Variants in SYNC observed in about 807,000 individuals in gnomAD.
SYNC encodes the protein syncoilin.
SYNC carries 38 observed loss-of-function variants against 49.5 expected under a neutral mutation model. The observed-to-expected ratio is 0.77, with a 90% CI of 0.59 to 1.01. The LOEUF (loss-of-function observed/expected upper bound fraction) is 1.01, where lower values mean the gene tolerates loss of function less well. Ranked by LOEUF, SYNC falls within the 50% of genes least tolerant of loss-of-function variation. SYNC has a pLI of 0.00. For missense variants in SYNC, 579 were observed against 580.6 expected, an observed-to-expected ratio of 1.00 and a Z score of 0.03; for synonymous variants, 201 against 230.8, an observed-to-expected ratio of 0.87 and a Z score of 1.17.
At position 32,695,780 on chromosome 1, in the gene SYNC, T is replaced by G. The variant is rs544361231; in HGVS notation, c.318A>C (p.Thr106=). ...HVEEPGNPEE[T]VCVEETTEPD... ...GCTCCGTGGTTTCCTCCACACACACTGTCTCCTCTGGATTCCCAGGCTCCT... is the reference window on the plus strand; with the variant it reads ...GCTCCGTGGTTTCCTCCACACACACGGTCTCCTCTGGATTCCCAGGCTCCT... The change falls in exon 2 of 5, where the codon ACA becomes ACC. Residue 106 remains threonine (T), a synonymous_variant. Coordinates refer to ENST00000409190, the MANE Select transcript of SYNC (RefSeq NM_030786.3). 2.6e-6 allele frequency: 4 copies of G among 1,551,516 alleles called. No individual in the cohort carries two copies. The highest frequency in any genetic ancestry group is 2.6e-6 in the Non-Finnish European group (3 of 1,146,956).
Position 32,695,782 on chromosome 1 carries a change from T to C in SYNC, c.316A>G (p.Thr106Ala). 1.1e-5 allele frequency: 17 copies of C among 1,551,640 alleles called. No homozygotes were observed. Among genetic ancestry groups the C allele is most frequent in the Non-Finnish European group, 1.5e-5 (17 of 1,146,998 alleles). Reference protein sequence around the residue: ...HVEEPGNPEETVCVEETTEPD... With the variant: ...HVEEPGNPEEAVCVEETTEPD... The stretch of plus-strand genomic sequence containing the variant: ...TCCGTGGTTTCCTCCACACACACTG[T>C]CTCCTCTGGATTCCCAGGCTCCTCC... Residue 106 changes from threonine to alanine, a missense_variant, in exon 2 of 5, where the codon ACA becomes GCA. Coordinates refer to ENST00000409190, the MANE Select transcript of SYNC (RefSeq NM_030786.3).
At chr1:32,687,849 A>ATTG (rs1435071836) in intron 2 of SYNC, among the ~76,000 whole-genome samples, 3 of 30,794 alleles carry the variant, frequency 9.7e-5, no homozygotes, top group African/African-American at 1.4e-4. Context: ...TATTATTATT[A>ATTG]TTATTATTAT....
intron 1 of SYNC, among the ~76,000 whole-genome samples, chr1:32,698,115 C>T (rs1038968979): frequency 2.7e-5 from 4 of 150,844 alleles, no homozygotes; most frequent in South Asian, 2.1e-4. Flanking sequence ...CTCAGCTACT[C>T]GGGAGGCTAA....
At position 32,681,556 on chromosome 1, in the gene SYNC, G is replaced by A. The variant is rs547093595; in HGVS notation, c.*294C>T. On this transcript the variant is annotated 3_prime_UTR_variant, in exon 5 of 5. Transcript: ENST00000409190. ...CATTCATCCTTCACTCAGTGCATAT[G>A]TGAGGGTTGTTGCTGGAAGACAGGA... The A allele has an allele frequency of 1.2e-4, 64 of 542,012 alleles. No individual in the cohort carries two copies. Among genetic ancestry groups the A allele is most frequent in the Non-Finnish European group, 1.9e-4 (57 of 303,544 alleles). 33.6% of individuals were successfully genotyped at this position (542,012 alleles called of 1,614,324 possible). A position where few individuals can be genotyped will look rare whatever the true frequency, so the allele number is the denominator to read the frequency against.
At chr1:32,682,899 T>C (rs984475249) in intron 4 of SYNC, 1 of 152,226 alleles carries the variant, frequency 6.6e-6, no homozygotes, top group Admixed American at 6.5e-5. Flanking sequence ...CTAGAACTTT[T>C]ATCAGAATAT....
Position 32,695,343 on chromosome 1 carries a change from T to C in SYNC, c.755A>G (p.Glu252Gly). The C allele has an allele frequency of 2.6e-6, 4 of 1,551,600 alleles. No homozygotes were observed. Among genetic ancestry groups the C allele is most frequent in the Non-Finnish European group, 3.5e-6 (4 of 1,147,024 alleles). ...VKQKLFKVTK[E>G]CVAYQYQLEC... ...CAGCTGGTATTGGTAGGCCACACAT[T>C]CCTTTGTCACTTTGAAAAGCTTCTG... The change falls in exon 2 of 5, where the codon GAA (glutamate) becomes GGA (glycine). Residue 252 changes from glutamate to glycine, a missense_variant. By Grantham distance (98) the Glu-to-Gly change is moderately conservative. Coordinates refer to ENST00000409190, the MANE Select transcript of SYNC (RefSeq NM_030786.3).
At position 32,695,293 on chromosome 1, in the gene SYNC, G is replaced by C. The variant is rs1557876153; in HGVS notation, c.805C>G (p.Gln269Glu). 1 of 1,551,606 alleles carries C rather than the reference G, an allele frequency of 6.4e-7. No homozygotes were observed. Reference protein sequence around the residue: ...QLECRQQDVAQFADFREVLTT... With the variant: ...QLECRQQDVAEFADFREVLTT... ...AGCACTTCCCGGAAATCGGCAAACT[G>C]AGCCACGTCCTGCTGGCGGCACTCC... Residue 269 changes from glutamine to glutamate, a missense_variant, in exon 2 of 5, where the codon CAG becomes GAG. Coordinates refer to ENST00000409190, the MANE Select transcript of SYNC (RefSeq NM_030786.3).
At chr1:32,696,136 G>A (rs1650417998) in intron 1 of SYNC, 92 bp from the exon 2 acceptor site, 1 of 1,056,986 alleles carries the variant, frequency 9.5e-7, no homozygotes, top group East Asian at 2.6e-5. Context: ...GACTACCTCA[G>A]GTTCTTAGAT....
Position 32,695,307 on chromosome 1 carries a change from T to C in SYNC, c.791A>G (p.Gln264Arg), listed in dbSNP as rs61753898. The stretch of plus-strand genomic sequence containing the variant: ...ATCGGCAAACTGAGCCACGTCCTGC[T>C]GGCGGCACTCCAGCTGGTATTGGTA... ...VAYQYQLECR[Q>R]QDVAQFADFR... Residue 264 changes from glutamine to arginine, a missense_variant, in exon 2 of 5, where the codon CAG becomes CGG. By Grantham distance (43) the Gln-to-Arg change is conservative. Coordinates refer to ENST00000409190, the MANE Select transcript of SYNC (RefSeq NM_030786.3). The C allele has an allele frequency of 1.5e-3, 2,347 of 1,551,746 alleles. 32 individuals carry two copies. In the African/African-American group the frequency reaches 0.028, roughly 18 times the overall value.
At chr1:32,690,676 G>T (rs1650116708) in intron 2 of SYNC, among the ~76,000 whole-genome samples, 1 of 150,954 alleles carries the variant, frequency 6.6e-6, no homozygotes, top group Non-Finnish European at 1.5e-5. Context: ...TAGAGAGGCA[G>T]GCAGTGGCTC....
At chr1:32,684,714 A>T (rs531986629) in intron 2 of SYNC, 4 of 221,502 alleles carry the variant, frequency 1.8e-5, no homozygotes, top group African/African-American at 9.1e-5. Flanking sequence ...GCTGAGTTTC[A>T]TATACCTCTC....
Position 32,702,724 on chromosome 1 carries a change from G to T in SYNC, c.-64C>A. ...GCCGGGCCCGCGGGCCCCTCGCTCC[G>T]GCGCCCGCGCCCGCCGCACTGCCAG... On this transcript the variant is annotated 5_prime_UTR_variant, in exon 1 of 5. Coordinates refer to ENST00000409190, the MANE Select transcript of SYNC (RefSeq NM_030786.3). This position sits in a 1 kb window ranked among gnomAD's most constrained non-coding sequence, Gnocchi z 6.2. The T allele has an allele frequency of 3.6e-6, 4 of 1,097,634 alleles. No individual in the cohort carries two copies. Among genetic ancestry groups the T allele is most frequent in the South Asian group, 4.4e-5 (1 of 22,928 alleles). 68.0% of individuals were successfully genotyped at this position (1,097,634 alleles called of 1,614,324 possible).
intron 4 of SYNC, chr1:32,683,535 C>A (rs1410034557): frequency 1.3e-5 from 2 of 153,092 alleles, no homozygotes; most frequent in Non-Finnish European, 2.9e-5. Flanking sequence ...TAGAAACAAA[C>A]ATTCCAAATG....
chr1:32,695,447 G>A lies in SYNC; in HGVS notation c.651C>T (p.Asp217=), dbSNP rs926745260. The change falls in exon 2 of 5, where the codon GAC becomes GAT. Residue 217 remains aspartate (D), a synonymous_variant. Coordinates refer to ENST00000409190, the MANE Select transcript of SYNC (RefSeq NM_030786.3). ...CATGGAGCTTGTAGGCAGCCAGGAT[G>A]TCTTGATGGACTTGCTGTACCTCCT... The part of the protein sequence containing the change: ...ALQEVQQVHQ[D]ILAAYKLHAQ... 1 of 1,551,596 alleles carries A rather than the reference G, an allele frequency of 6.4e-7. No homozygotes were observed. Among genetic ancestry groups the A allele is most frequent in the East Asian group, 2.4e-5 (1 of 40,850 alleles).
Position 32,696,036 on chromosome 1 carries a change from C to T in SYNC, c.62G>A (p.Arg21Lys), listed in dbSNP as rs1483982178. Residue 21 changes from arginine to lysine, a missense_variant, in exon 2 of 5, where the codon AGA becomes AAA. Coordinates refer to ENST00000409190, the MANE Select transcript of SYNC (RefSeq NM_030786.3). ...TGGAAGAGGAGAATTGGCCTCTACT[C>T]TTGTTTTCCTGCAAAAGAAATGATT... ...DGAAQAARKT[R>K]VEANSPLPKN... 7.8e-6 allele frequency: 12 copies of T among 1,533,758 alleles called. No individual in the cohort carries two copies. Among genetic ancestry groups the T allele is most frequent in the African/African-American group, 2.8e-5 (2 of 72,722 alleles).
At position 32,702,150 on chromosome 1, in the gene SYNC, C is replaced by A. The variant is rs1650692742; in HGVS notation, c.53+458G>T. On this transcript the variant is annotated intron_variant, in intron 1 of 4. Transcript: ENST00000409190. The surrounding 1 kb of genome is among the most constrained non-coding windows in gnomAD (Gnocchi z 6.2). Reference sequence around the variant, plus strand: ...GACCCTTCCCCCACCCATCCCAGGCCAGACGGGAGAGAACAAGCCCTGACA... The same window carrying A: ...GACCCTTCCCCCACCCATCCCAGGCAAGACGGGAGAGAACAAGCCCTGACA... Among the ~76,000 whole-genome samples, 1 of 152,238 alleles carries A rather than the reference C, an allele frequency of 6.6e-6. No homozygotes were observed. Among genetic ancestry groups the A allele is most frequent in the African/African-American group, 2.4e-5 (1 of 41,466 alleles).
Position 32,680,445 on chromosome 1 carries a change from A to G in SYNC, c.*1405T>C, listed in dbSNP as rs1264947076. The G allele has an allele frequency of 2.3e-5, 34 of 1,505,424 alleles. No individual in the cohort carries two copies. The highest frequency in any genetic ancestry group is 2.8e-5 in the Non-Finnish European group (31 of 1,126,212). The allele number at this position is 1,505,424 out of a possible 1,614,324, so 93.3% of individuals were successfully genotyped here. On this transcript the variant is annotated 3_prime_UTR_variant, in exon 5 of 5. Coordinates refer to ENST00000409190, the MANE Select transcript of SYNC (RefSeq NM_030786.3). ...CAGTTATACCACAGGTAGACTGTCA[A>G]GTTGAGAAGAGTGAATCAATAACTT...
Position 32,694,192 on chromosome 1 carries a change from G to A in SYNC, c.1233+673C>T, listed in dbSNP as rs143247983. Among the ~76,000 whole-genome samples, 1,154 of 152,060 alleles carry A rather than the reference G, an allele frequency of 7.6e-3. 18 individuals are homozygous for A. Among genetic ancestry groups the A allele is most frequent in the African/African-American group, 0.027 (1,103 of 41,470 alleles). On this transcript the variant is annotated intron_variant, in intron 2 of 4. Coordinates refer to ENST00000409190, the MANE Select transcript of SYNC (RefSeq NM_030786.3). ...GCAGTGAGCCCTCAAGATTGCACCT[G>A]TCTCAAAAAAGAAAAAATTAGCTGG...
intron 2 of SYNC, among the ~76,000 whole-genome samples, chr1:32,691,559 A>C (rs1389900049): frequency 2.8e-5 from 1 of 35,324 alleles, no homozygotes; most frequent in Non-Finnish European, 2.0e-4. Flanking sequence ...TCTCAGAAAA[A>C]AAAAAAAAAG....
Sources: gnomAD v4.1 joint callset for allele counts (sites outside exome capture counted in the v4.1 genomes callset) on GRCh38, gnomAD v4.1.1 for gene constraint, Gnocchi (gnomAD v3.1) non-coding constraint, MANE v1.5 for transcripts, NCBI Gene and HGNC (gene_info 2026-07-23, HGNC 2026-07-21) for gene names.